TTN: variants seen among roughly 807,000 people sequenced by gnomAD.
TTN encodes the protein connectin.
TTN carries 1,525 observed loss-of-function variants against 3,223.0 expected under a neutral mutation model. That is an observed-to-expected ratio of 0.47 (90% CI 0.45 to 0.49). The LOEUF is 0.49. TTN is among the 20% of genes least tolerant of loss of function. TTN has a pLI of 0.00. For missense variants in TTN, 40,786 were observed against 43,424.0 expected, an observed-to-expected ratio of 0.94 and a Z score of 5.40; for synonymous variants, 14,094 against 15,161.0, an observed-to-expected ratio of 0.93 and a Z score of 5.17.
chr2:178,783,114 T>A, intron 17 of TTN, 50 bp from the exon 18 acceptor site: 3 of 1,600,480 alleles, frequency 1.9e-6, no homozygotes, highest in Non-Finnish European at 2.6e-6. Context: ...TATTCATTAA[T>A]CACTTCTGTT....
In TTN at chr2:178,651,281, A is replaced by G; in HGVS notation, c.39587T>C (p.Val13196Ala). ...VPKEVVPEKK[V>A]AVPKKPEVPP... Reference sequence around the variant, plus strand: ...GACTTCTGGCTTTTTGGGAACAGCTACTTTCTTTTCTGGAACAACTTCTTT... The same window carrying G: ...GACTTCTGGCTTTTTGGGAACAGCTGCTTTCTTTTCTGGAACAACTTCTTT... The change falls in exon 208 of 363, where the codon GTA becomes GCA. Residue 13196 changes from valine to alanine, a missense_variant. Transcript: ENST00000589042. 1 of 1,613,228 alleles carries G rather than the reference A, an allele frequency of 6.2e-7. No individual in the cohort carries two copies. The highest frequency in any genetic ancestry group is 8.5e-7 in the Non-Finnish European group (1 of 1,179,448).
In TTN at chr2:178,720,094, T is replaced by A; in HGVS notation, c.23548A>T (p.Ile7850Phe). 1 of 1,613,772 alleles carries A rather than the reference T, an allele frequency of 6.2e-7. No individual in the cohort carries two copies. Among genetic ancestry groups the A allele is most frequent in the African/African-American group, 1.3e-5 (1 of 75,032 alleles). Residue 7850 changes from isoleucine to phenylalanine, a missense_variant, in exon 81 of 363, where the codon ATT becomes TTT. By Grantham distance (21) the Ile-to-Phe change is conservative. Coordinates refer to ENST00000589042, the MANE Select transcript of TTN (RefSeq NM_001267550.2). ...ENTRISFIDNIATLQLGSPEA... is the reference protein window; with the variant it reads ...ENTRISFIDNFATLQLGSPEA... ...GGACTCCCCAGCTGGAGGGTTGCAA[T>A]GTTATCAATGAATGAAATCCTGGTA...
rs374845737 is a variant in TTN, at chr2:178,590,244, A to G, written c.61481T>C (p.Ile20494Thr). Residue 20494 changes from isoleucine to threonine, a missense_variant, in exon 304 of 363, where the codon ATC becomes ACC. Physicochemically the swap from Ile to Thr is moderately conservative, Grantham distance 89. Coordinates refer to ENST00000589042, the MANE Select transcript of TTN (RefSeq NM_001267550.2). ...GCCTTTGACTCGAGCTAGAATGCGG[A>G]TAGTTTGGCCTACTCTCACGGTAAT... ...DVITVRVGQT[I>T]RILARVKGRP... 12 of 1,588,632 alleles carry G rather than the reference A, an allele frequency of 7.6e-6. No individual in the cohort carries two copies. In the African/African-American group the frequency reaches 1.5e-4, roughly 20 times the overall value.
At chr2:178,804,035 T>C (rs2094195318) in intron 2 of TTN, among the ~76,000 whole-genome samples, 1 of 152,184 alleles carries the variant, frequency 6.6e-6, no homozygotes, top group Non-Finnish European at 1.5e-5. Flanking sequence ...TCAATAAAGA[T>C]TGAAAATAAA....
Position 178,532,814 on chromosome 2 carries a change from C to A in TTN, c.103801G>T (p.Glu34601Ter). The A allele has an allele frequency of 1.2e-6, 2 of 1,613,924 alleles. No homozygotes were observed. The highest frequency in any genetic ancestry group is 1.7e-6 in the Non-Finnish European group (2 of 1,179,872). ...GGAAGAGGCATCACATAGAACTGTT[C>A]CCATCTTGAAAGGCGGATGCGCTTG... ...RPKRIRLSRW[E>*]QFYVMPLPRI... The change falls in exon 358 of 363, where the codon GAA (glutamate) becomes TAA (stop). Residue 34601 changes from glutamate to a stop codon, truncating the protein, a stop_gained. Transcript: ENST00000589042. LOFTEE classifies it high-confidence loss of function.
In TTN at chr2:178,539,830, A is replaced by T; in HGVS notation, c.98235T>A (p.Ile32745=). The T allele has an allele frequency of 6.2e-7, 1 of 1,613,828 alleles. No homozygotes were observed. The highest frequency in any genetic ancestry group is 8.5e-7 in the Non-Finnish European group (1 of 1,179,792). ...ATGTTGCAATCATGGCACGCTTACTAATATCCTGGCCTTCCTTGGTCCATT... is the reference window on the plus strand; with the variant it reads ...ATGTTGCAATCATGGCACGCTTACTTATATCCTGGCCTTCCTTGGTCCATT... ...ICKWTKEGQD[I]SKRAMIATSE... The change falls in exon 352 of 363, where the codon ATT becomes ATA. Residue 32745 remains isoleucine, a synonymous_variant. Transcript: ENST00000589042.
Position 178,698,915 on chromosome 2 carries a change from C to CT in TTN, c.30683-2dup. 7.7e-7 allele frequency: 1 copy of CT among 1,303,106 alleles called. No homozygotes were observed. The highest frequency in any genetic ancestry group is 1.8e-5 in the South Asian group (1 of 54,116). 80.7% of individuals were successfully genotyped at this position (1,303,106 alleles called of 1,614,324 possible). The stretch of plus-strand genomic sequence containing the variant: ...TCTTTCTTCACAGCCTTTTTGGTAA[C>CT]TAAAAAAAAAAAAAAAGAAAAAAAA... On this transcript the variant is annotated splice_acceptor_variant, in intron 111 of 362. Transcript: ENST00000589042. LOFTEE classifies it high-confidence loss of function.
At chr2:178,541,918 T>C in intron 349 of TTN, 1 of 243,936 alleles carries the variant, frequency 4.1e-6, no homozygotes. Context: ...AAGCATGCAC[T>C]CTGTATTTTT....
chr2:178,633,132 C>G (rs1235264043), intron 233 of TTN, 55 bp downstream of exon 233: 1 of 1,596,548 alleles, frequency 6.3e-7, no homozygotes, highest in East Asian at 2.3e-5. Flanking sequence ...TGCCTTTTTT[C>G]ACCCTACACA....
chr2:178,659,571 A>T (rs1477799616), intron 180 of TTN, among the ~76,000 whole-genome samples: 1 of 149,142 alleles, frequency 6.7e-6, no homozygotes, highest in Non-Finnish European at 1.5e-5. Flanking sequence ...TTTATGACAA[A>T]CCCACAGCCA....
chr2:178,758,044 TC>T (rs1326357151), intron 44 of TTN, 128 bp from the exon 45 acceptor site: 1 of 984,540 alleles, frequency 1.0e-6, no homozygotes, highest in Non-Finnish European at 1.4e-6. Context: ...TACTGCCTTG[TC>T]CTTGTATGTC....
rs373317203 is a variant in TTN, at chr2:178,616,730, A to T, written c.48159T>A (p.Ile16053=). 8.1e-6 allele frequency: 13 copies of T among 1,612,368 alleles called. No homozygotes were observed. The highest frequency in any genetic ancestry group is 9.3e-6 in the Non-Finnish European group (11 of 1,179,142). Residue 16053 remains isoleucine (I), a splice_region_variant and synonymous_variant, in exon 256 of 363, where the codon ATT becomes ATA. Coordinates refer to ENST00000589042, the MANE Select transcript of TTN (RefSeq NM_001267550.2). ...TISGEIDVNV[I]ARPSAPKELK... ...GATGATAAATGTTTTGTTCCTTACCAATTACATTGACATCAATTTCCCCAG... is the reference window on the plus strand; with the variant it reads ...GATGATAAATGTTTTGTTCCTTACCTATTACATTGACATCAATTTCCCCAG...
At position 178,720,175 on chromosome 2, in the gene TTN, G is replaced by T. The variant is rs768540966; in HGVS notation, c.23467C>A (p.Pro7823Thr). 2.0e-5 allele frequency: 32 copies of T among 1,613,742 alleles called. No individual in the cohort carries two copies. The East Asian group carries it at 7.1e-4, about 36-fold the overall frequency. ...ELRAIVEGFQPISVVWLKDRG... is the reference protein window; with the variant it reads ...ELRAIVEGFQTISVVWLKDRG... Reference sequence around the variant, plus strand: ...TCTTTCAGCCAGACAACAGAAATTGGCTGGAAGCCCTCCACTATGGCCCGT... The same window carrying T: ...TCTTTCAGCCAGACAACAGAAATTGTCTGGAAGCCCTCCACTATGGCCCGT... The change falls in exon 81 of 363, where the codon CCA becomes ACA. Residue 7823 changes from proline (P) to threonine (T), a missense_variant. Physicochemically the swap from Pro to Thr is conservative, Grantham distance 38 (BLOSUM62 -1). Coordinates refer to ENST00000589042, the MANE Select transcript of TTN (RefSeq NM_001267550.2).
intron 13 of TTN, among the ~76,000 whole-genome samples, chr2:178,788,870 T>C (rs2093343125): frequency 6.6e-6 from 1 of 152,042 alleles, no homozygotes; most frequent in Non-Finnish European, 1.5e-5. Context: ...TCTCCTCTGA[T>C]ATTTACAGGA....
At position 178,652,834 on chromosome 2, in the gene TTN, C is replaced by G. The variant is rs748102624; in HGVS notation, c.38959+14G>C. On this transcript the variant is annotated intron_variant, in intron 200 of 362. Coordinates refer to ENST00000589042, the MANE Select transcript of TTN (RefSeq NM_001267550.2). Reference sequence around the variant, plus strand: ...GAGTTTGATCTTCTGAAGCCTAAAGCCAGTGACAAATACCTTTAACAGGAG... The same window carrying G: ...GAGTTTGATCTTCTGAAGCCTAAAGGCAGTGACAAATACCTTTAACAGGAG... The G allele has an allele frequency of 1.3e-6, 2 of 1,562,926 alleles. No homozygotes were observed. The highest frequency in any genetic ancestry group is 2.3e-5 in the South Asian group (2 of 86,008).
chr2:178,798,174 A>C (rs1006283524), intron 6 of TTN, among the ~76,000 whole-genome samples: 1 of 152,132 alleles, frequency 6.6e-6, no homozygotes, highest in African/African-American at 2.4e-5. Flanking sequence ...GTATGTTTGA[A>C]TATTATTTAG....
At chr2:178,669,272 A>G in intron 159 of TTN, 101 bp downstream of exon 159, 1 of 913,568 alleles carries the variant, frequency 1.1e-6, no homozygotes, top group Non-Finnish European at 1.6e-6. Flanking sequence ...AGGCTTTTAT[A>G]AGAGTTTAGT....
chr2:178,776,216 T>G lies in TTN; in HGVS notation c.5648A>C (p.Lys1883Thr). 6.2e-7 allele frequency: 1 copy of G among 1,614,164 alleles called. No individual in the cohort carries two copies. The highest frequency in any genetic ancestry group is 8.5e-7 in the Non-Finnish European group (1 of 1,180,006). The change falls in exon 28 of 363, where the codon AAA becomes ACA. Residue 1883 changes from lysine (K) to threonine (T), a missense_variant. By Grantham distance (78) the Lys-to-Thr change is moderately conservative (BLOSUM62 -1). Transcript: ENST00000589042. ...NWYLNGQLIR[K>T]SKRFRVRYDG... is the part of the protein sequence containing the mutation. ...ATAGCGAACTCTGAACCTTTTGCTT[T>G]TGCGGATGAGCTGTCCATTGAGGTA...
chr2:178,622,649 G>A (rs759652251), intron 243 of TTN, 21 bp downstream of exon 243: 43 of 1,573,582 alleles, frequency 2.7e-5, no homozygotes, highest in South Asian at 4.6e-5. Flanking sequence ...AGTACAAGAT[G>A]ACAGGTATAC....
Sources: gnomAD v4.1 joint callset for allele counts (sites outside exome capture counted in the v4.1 genomes callset) on GRCh38, gnomAD v4.1.1 for gene constraint, MANE v1.5 for transcripts, NCBI Gene and HGNC (gene_info 2026-07-23, HGNC 2026-07-21) for gene names.